Variants in SGPP1 observed in about 807,000 individuals in gnomAD.
SGPP1 encodes sphingosine-1-phosphate phosphatase 1.
SGPP1 carries 21 observed loss-of-function variants against 33.0 expected under a neutral mutation model. The observed-to-expected ratio is 0.64, with a 90% confidence interval of 0.45 to 0.92. SGPP1 has a LOEUF of 0.92. Among genes scored for constraint, SGPP1 ranks in the 40% least tolerant of loss-of-function variants. The pLI is 0.00. For synonymous variants in SGPP1, 239 were observed against 241.2 expected, an observed-to-expected ratio of 0.99 and a Z score of 0.08; for missense variants, 543 against 589.4, an observed-to-expected ratio of 0.92 and a Z score of 0.81.
intron 1 of SGPP1, among the ~76,000 whole-genome samples, chr14:63,725,370 T>C (rs576849480): frequency 6.6e-6 from 1 of 152,362 alleles, no homozygotes; most frequent in South Asian, 2.1e-4. Flanking sequence ...CGAGACTCCG[T>C]CAGGAGGCTT....
At chr14:63,726,662 T>C (rs1452007402) in intron 1 of SGPP1, among the ~76,000 whole-genome samples, 4 of 152,232 alleles carry the variant, frequency 2.6e-5, no homozygotes, top group Non-Finnish European at 5.9e-5. Flanking sequence ...AATCAAACTT[T>C]ATCAGCAAAG....
rs868764053 is a variant in SGPP1 at position 63,708,421 on chromosome 14, A to T, written c.685-9763T>A. Reference sequence around the variant, plus strand: ...CAGGTGCCCACCACCATGCCCAGCTATTTTTTTTTTTTTTGTATTTTTAGT... The same window carrying T: ...CAGGTGCCCACCACCATGCCCAGCTTTTTTTTTTTTTTTTGTATTTTTAGT... On this transcript the variant is annotated intron_variant, in intron 1 of 2. Transcript: ENST00000247225. Among the ~76,000 whole-genome samples, 241 of 135,120 alleles carry T rather than the reference A, an allele frequency of 1.8e-3. 4 individuals carry two copies. Among genetic ancestry groups the T allele is most frequent in the South Asian group, 9.0e-3 (38 of 4,238 alleles). 88.6% of individuals were successfully genotyped at this position (135,120 alleles called of 152,430 possible).
At chr14:63,687,224 T>G (rs1884998393) in intron 2 of SGPP1, among the ~76,000 whole-genome samples, 1 of 152,108 alleles carries the variant, frequency 6.6e-6, no homozygotes, top group South Asian at 2.1e-4. Flanking sequence ...GTGGTTCACT[T>G]GAGGCCAGGA....
At chr14:63,697,582 G>C (rs1040918982) in intron 2 of SGPP1, among the ~76,000 whole-genome samples, 1 of 152,168 alleles carries the variant, frequency 6.6e-6, no homozygotes, top group African/African-American at 2.4e-5. Flanking sequence ...GGAACTTGGA[G>C]TCTAGTATAC....
intron 2 of SGPP1, among the ~76,000 whole-genome samples, chr14:63,691,410 T>A (rs79943516): frequency 3.3e-5 from 5 of 152,334 alleles, no homozygotes; most frequent in Non-Finnish European, 5.9e-5. Context: ...TAGAATTATC[T>A]TTCCTACCTA....
chr14:63,706,179 A>G (rs1024849935), intron 1 of SGPP1, among the ~76,000 whole-genome samples: 2 of 152,216 alleles, frequency 1.3e-5, no homozygotes, highest in Non-Finnish European at 2.9e-5. Flanking sequence ...CCAGACACCC[A>G]AGGTCACATA....
chr14:63,716,996 A>G (rs1235748021), intron 1 of SGPP1, among the ~76,000 whole-genome samples: 1 of 152,100 alleles, frequency 6.6e-6, no homozygotes, highest in African/African-American at 2.4e-5. Flanking sequence ...CCCAGGACCC[A>G]ACTGTAATTT....
intron 1 of SGPP1, among the ~76,000 whole-genome samples, chr14:63,710,270 C>T (rs184436614): frequency 1.1e-4 from 17 of 152,134 alleles, no homozygotes; most frequent in African/African-American, 3.9e-4. Context: ...TGCTAGAATT[C>T]TATACTAAGG....
At chr14:63,701,771 AGTAAG>A (rs755439038) in intron 1 of SGPP1, among the ~76,000 whole-genome samples, 1 of 152,226 alleles carries the variant, frequency 6.6e-6, no homozygotes. Flanking sequence ...ATTTTAAGAG[AGTAAG>A]GCAAAAACAG....
At chr14:63,715,097 C>T (rs1041980499) in intron 1 of SGPP1, among the ~76,000 whole-genome samples, 6 of 150,484 alleles carry the variant, frequency 4.0e-5, no homozygotes, top group Non-Finnish European at 7.4e-5. Context: ...TCACTGCAAC[C>T]GCTGCCTCCC....
intron 1 of SGPP1, among the ~76,000 whole-genome samples, chr14:63,711,604 C>T (rs1328414584): frequency 6.6e-6 from 1 of 152,104 alleles, no homozygotes; most frequent in African/African-American, 2.4e-5. Context: ...CTCTTAAGGC[C>T]TTCATTTAAT....
intron 1 of SGPP1, among the ~76,000 whole-genome samples, chr14:63,717,418 T>A (rs1595071566): frequency 6.6e-6 from 1 of 151,438 alleles, no homozygotes; most frequent in South Asian, 2.1e-4. Context: ...ACCACCCAGG[T>A]TCACGCCATT....
At chr14:63,718,800 AAAAAT>A (rs1462831627) in intron 1 of SGPP1, among the ~76,000 whole-genome samples, 2 of 151,134 alleles carry the variant, frequency 1.3e-5, no homozygotes, top group Non-Finnish European at 2.9e-5. Context: ...CTAAGTGAAA[AAAAAT>A]AAAAGAAATG....
chr14:63,701,176 T>C (rs538461691), intron 1 of SGPP1, among the ~76,000 whole-genome samples: 2 of 152,052 alleles, frequency 1.3e-5, no homozygotes, highest in South Asian at 4.2e-4. Context: ...AGAGACAGGG[T>C]CTCGCCATGT....
chr14:63,703,463 G>A (rs1885342724), intron 1 of SGPP1, among the ~76,000 whole-genome samples: 6 of 151,878 alleles, frequency 4.0e-5, no homozygotes, highest in Admixed American at 3.3e-4. Context: ...AACCATCCTG[G>A]CCAACATGGT....
Position 63,727,626 on chromosome 14 carries a change from C to T in SGPP1, c.319G>A (p.Ala107Thr), listed in dbSNP as rs761781978. Residue 107 changes from alanine (A) to threonine (T), a missense_variant, in exon 1 of 3, where the codon GCT (alanine) becomes ACT (threonine). Transcript: ENST00000247225. ...CCCGTCAGCGAGTTGCGGCGCAGAGCGCCCGCGCGCCGCGGCGAGGCCGGG... is the reference window on the plus strand; with the variant it reads ...CCCGTCAGCGAGTTGCGGCGCAGAGTGCCCGCGCGCCGCGGCGAGGCCGGG... ...LGPASPRRAG[A>T]LRRNSLTGEE... The T allele has an allele frequency of 1.6e-5, 23 of 1,434,610 alleles. No homozygotes were observed. In the Admixed American group the frequency reaches 1.7e-4, roughly 11 times the overall value. 88.9% of individuals were successfully genotyped at this position (1,434,610 alleles called of 1,614,324 possible).
intron 1 of SGPP1, among the ~76,000 whole-genome samples, chr14:63,708,251 C>CTTTTTT (rs36105615): frequency 2.3e-4 from 23 of 97,898 alleles, no homozygotes; most frequent in South Asian, 7.1e-4. Flanking sequence ...AGCAGCAATC[C>CTTTTTT]TTTTTTTTTT....
intron 1 of SGPP1, among the ~76,000 whole-genome samples, chr14:63,718,794 G>A (rs1885684537): frequency 6.7e-6 from 1 of 149,934 alleles, no homozygotes. Context: ...AATAATCTAA[G>A]TGAAAAAAAA....
chr14:63,721,282 A>C (rs1885765854), intron 1 of SGPP1, among the ~76,000 whole-genome samples: 2 of 151,946 alleles, frequency 1.3e-5, no homozygotes, highest in Non-Finnish European at 2.9e-5. Flanking sequence ...GCCATCTCAA[A>C]AAAAATACAA....
Sources: gnomAD v4.1 joint callset for allele counts (sites outside exome capture counted in the v4.1 genomes callset) on GRCh38, gnomAD v4.1.1 for gene constraint, MANE v1.5 for transcripts, NCBI Gene and HGNC (gene_info 2026-07-23, HGNC 2026-07-21) for gene names.